Variants in BTBD9 observed in about 807,000 individuals in gnomAD.
BTBD9 encodes BTB domain containing 9, also known as BTB/POZ domain-containing protein 9.
BTBD9 carries 49 observed loss-of-function variants against 64.3 expected under a neutral mutation model. The ratio of observed to expected loss-of-function variants is 0.76; its 90% CI spans 0.61 to 0.97. BTBD9 has a LOEUF of 0.97. BTBD9 is among the 50% of genes least tolerant of loss of function. The pLI is 0.00. For synonymous variants in BTBD9, 260 were observed against 274.7 expected (o/e 0.95, Z 0.53); for missense variants, 598 against 762.1 (o/e 0.78, Z 2.53).
At chr6:38,538,292 GAC>G (rs554075338) in intron 6 of BTBD9, among the ~76,000 whole-genome samples, 107 of 152,278 alleles carry the variant, frequency 7.0e-4, no homozygotes, top group African/African-American at 2.5e-3. Flanking sequence ...AAACCCAAGA[GAC>G]AGAATTGCAA....
At chr6:38,297,203 T>C (rs1190595561) in intron 7 of BTBD9, among the ~76,000 whole-genome samples, 1 of 152,054 alleles carries the variant, frequency 6.6e-6, no homozygotes, top group Non-Finnish European at 1.5e-5. Context: ...CCGTCTCTAC[T>C]ATAAATACAA....
chr6:38,268,567 T>G (rs1765094756), intron 8 of BTBD9, among the ~76,000 whole-genome samples: 2 of 152,212 alleles, frequency 1.3e-5, no homozygotes, highest in African/African-American at 4.8e-5. Context: ...AATCTCTCTA[T>G]TTTTGTTCTT....
intron 6 of BTBD9, among the ~76,000 whole-genome samples, chr6:38,369,230 C>G (rs1339221870): frequency 1.3e-5 from 2 of 152,176 alleles, no homozygotes; most frequent in Non-Finnish European, 2.9e-5. Context: ...CTCTTGCCAT[C>G]CTCCATCAAA....
chr6:38,585,567 C>T (rs558841408), intron 4 of BTBD9, among the ~76,000 whole-genome samples: 4 of 152,212 alleles, frequency 2.6e-5, no homozygotes, highest in Non-Finnish European at 5.9e-5. Context: ...GCCTTGGCCT[C>T]CCAAAGTGCT....
At chr6:38,375,930 AGAAAGAAAGAAGGAAAGAAG>A (rs745498185) in intron 6 of BTBD9, among the ~76,000 whole-genome samples, 4,771 of 143,188 alleles carry the variant, frequency 0.033, 197 homozygotes, top group East Asian at 0.15. Flanking sequence ...AAAGAAAGAA[AGAAAGAAAGAAGGAAAGAAG>A]GAAAGAAAGA....
chr6:38,206,634 C>T (rs1289232514), intron 9 of BTBD9, among the ~76,000 whole-genome samples: 2 of 151,982 alleles, frequency 1.3e-5, no homozygotes, highest in East Asian at 3.9e-4. Context: ...ACATAGTCAT[C>T]CTAATGCCAA....
At chr6:38,493,915 A>C (rs1771811942) in intron 6 of BTBD9, among the ~76,000 whole-genome samples, 2 of 152,256 alleles carry the variant, frequency 1.3e-5, no homozygotes, top group African/African-American at 4.8e-5. Context: ...ATAAAGGATT[A>C]CACACATTTG....
At chr6:38,346,958 C>T (rs1379134664) in intron 6 of BTBD9, among the ~76,000 whole-genome samples, 2 of 152,176 alleles carry the variant, frequency 1.3e-5, no homozygotes, top group Non-Finnish European at 2.9e-5. Flanking sequence ...AGACAGCTCT[C>T]CTACTGTGCA....
chr6:38,535,591 A>G (rs946174159), intron 6 of BTBD9, among the ~76,000 whole-genome samples: 1 of 152,132 alleles, frequency 6.6e-6, no homozygotes, highest in African/African-American at 2.4e-5. Flanking sequence ...GAATCACATT[A>G]CCTGACTTCA....
At chr6:38,214,010 A>AAATAAT (rs3047750) in intron 9 of BTBD9, among the ~76,000 whole-genome samples, 101,707 of 147,456 alleles carry the variant, frequency 0.69, 35,259 homozygotes, top group East Asian at 0.9. Flanking sequence ...AAACAAACAA[A>AAATAAT]AATAATAATA....
chr6:38,243,879 CCTT>C (rs986784167), intron 9 of BTBD9, among the ~76,000 whole-genome samples: 10 of 152,096 alleles, frequency 6.6e-5, no homozygotes, highest in African/African-American at 1.9e-4. Flanking sequence ...ATGCCCTTTT[CCTT>C]CTTCTTTTTT....
At chr6:38,351,504 G>GTCT (rs1764506676) in intron 6 of BTBD9, among the ~76,000 whole-genome samples, 1 of 96,696 alleles carries the variant, frequency 1.0e-5, no homozygotes, top group Non-Finnish European at 2.0e-5. Context: ...TTTAATTGTT[G>GTCT]TTGTTTTTTT....
intron 6 of BTBD9, among the ~76,000 whole-genome samples, chr6:38,558,195 G>A (rs548506940): frequency 2.0e-5 from 3 of 151,982 alleles, no homozygotes; most frequent in Non-Finnish European, 4.4e-5. Flanking sequence ...GAGTTCCAGG[G>A]TAAAGTGGGG....
At chr6:38,232,639 TATTTTTTCACATA>T (rs1763648880) in intron 9 of BTBD9, among the ~76,000 whole-genome samples, 1 of 151,970 alleles carries the variant, frequency 6.6e-6, no homozygotes, top group Non-Finnish European at 1.5e-5. Flanking sequence ...ATTTTATTAT[TATTTTTTCACATA>T]AACCTTTCGC....
chr6:38,288,813 G>A (rs1004000065), intron 7 of BTBD9, among the ~76,000 whole-genome samples: 9 of 152,094 alleles, frequency 5.9e-5, no homozygotes, highest in African/African-American at 2.2e-4. Flanking sequence ...TGTAGTCCCA[G>A]CTACTCGGGA....
chr6:38,393,668 G>A (rs888569374), intron 6 of BTBD9, among the ~76,000 whole-genome samples: 5 of 152,182 alleles, frequency 3.3e-5, no homozygotes, highest in Non-Finnish European at 5.9e-5. Context: ...AATGAACACT[G>A]CTAGGGCTGT....
intron 6 of BTBD9, among the ~76,000 whole-genome samples, chr6:38,385,478 C>T (rs1347482331): frequency 6.6e-6 from 1 of 152,110 alleles, no homozygotes; most frequent in Non-Finnish European, 1.5e-5. Context: ...GCGTGAGCCA[C>T]CACACCCGGC....
intron 8 of BTBD9, among the ~76,000 whole-genome samples, chr6:38,280,401 G>A (rs986940396): frequency 6.6e-6 from 1 of 152,198 alleles, no homozygotes; most frequent in African/African-American, 2.4e-5. Flanking sequence ...AGTGAGACAA[G>A]GAAGAATTCC....
chr6:38,279,181 C>T (rs934591991), intron 8 of BTBD9, among the ~76,000 whole-genome samples: 1 of 152,014 alleles, frequency 6.6e-6, no homozygotes, highest in Non-Finnish European at 1.5e-5. Flanking sequence ...AAGAGTTTTT[C>T]TTGGTCTCAG....
Sources: gnomAD v4.1 joint callset for allele counts (sites outside exome capture counted in the v4.1 genomes callset) on GRCh38, gnomAD v4.1.1 for gene constraint, MANE v1.5 for transcripts, NCBI Gene and HGNC (gene_info 2026-07-23, HGNC 2026-07-21) for gene names.